The following CCDC39 variants were observed in gnomAD, a reference collection of about 807,000 sequenced individuals.
CCDC39 encodes the protein coiled-coil domain 39 molecular ruler complex subunit, also known as coiled-coil domain-containing protein 39.
CCDC39 carries 113 observed loss-of-function variants against 121.0 expected under a neutral mutation model. The observed-to-expected ratio is 0.93, with a 90% CI of 0.80 to 1.09. The LOEUF (loss-of-function observed/expected upper bound fraction) is 1.09, where lower values mean the gene tolerates loss of function less well. Among genes scored for constraint, CCDC39 ranks in the 50% least tolerant of loss-of-function variants. The pLI is 0.00. For synonymous variants in CCDC39, 349 were observed against 352.2 expected, an observed-to-expected ratio of 0.99 and a Z score of 0.10; for missense variants, 1,063 against 1,074.7, an observed-to-expected ratio of 0.99 and a Z score of 0.15.
chr3:180,621,266 T>G (rs1364144322), intron 14 of CCDC39, among the ~76,000 whole-genome samples: 3 of 152,104 alleles, frequency 2.0e-5, no homozygotes, highest in African/African-American at 7.2e-5. Context: ...ATTTCTATTC[T>G]TTTGTGTAGA....
In CCDC39 at chr3:180,663,990, T is replaced by C. The variant is rs1271684516; in HGVS notation, c.91-4A>G. ...TTTCATCCTTCAGCTTTGACAACTG[T>C]AAATAATAAATACTATGATTAACCA... On this transcript the variant is annotated splice_region_variant and splice_polypyrimidine_tract_variant and intron_variant, in intron 1 of 19. Transcript: ENST00000476379. The C allele has an allele frequency of 6.2e-7, 1 of 1,608,290 alleles. No individual in the cohort carries two copies. Among genetic ancestry groups the C allele is most frequent in the Non-Finnish European group, 8.5e-7 (1 of 1,178,010 alleles).
Position 180,659,428 on chromosome 3 carries a change from A to G in CCDC39, c.738+24T>C, listed in dbSNP as rs779523764. On this transcript the variant is annotated intron_variant, in intron 6 of 19. Coordinates refer to ENST00000476379, the MANE Select transcript of CCDC39 (RefSeq NM_181426.2). ...AAAGAGACAAATGCAGCTGAACATT[A>G]CAAGGACCAAACAACTACTTTACCA... 5.0e-6 allele frequency: 8 copies of G among 1,612,180 alleles called. No individual in the cohort carries two copies. In the South Asian group the frequency reaches 7.7e-5, roughly 16 times the overall value.
chr3:180,676,267 G>A (rs1712201114), intron 1 of CCDC39, among the ~76,000 whole-genome samples: 1 of 152,134 alleles, frequency 6.6e-6, no homozygotes, highest in South Asian at 2.1e-4. Flanking sequence ...CTAATATCCA[G>A]AATCTACAAA....
At chr3:180,638,729 T>C (rs1576940322) in intron 13 of CCDC39, among the ~76,000 whole-genome samples, 1 of 152,146 alleles carries the variant, frequency 6.6e-6, no homozygotes, top group East Asian at 1.9e-4. Context: ...TAATTTTCAA[T>C]ATTCATAGAG....
At chr3:180,671,165 G>A (rs35602991) in intron 1 of CCDC39, among the ~76,000 whole-genome samples, 2,157 of 148,870 alleles carry the variant, frequency 0.014, 18 homozygotes, top group Non-Finnish European at 0.022. Context: ...GAGCCAAGAT[G>A]GTGTCACTGC....
Position 180,654,792 on chromosome 3 carries a change from A to G in CCDC39, c.900T>C (p.His300=). ...LLKCRTAYQD[H]ETSRIQLKGE... ...CCTTCAGCTGAATTCTACTAGTTTCATGGTCCTGATATGCCGTTCTACATT... is the reference window on the plus strand; with the variant it reads ...CCTTCAGCTGAATTCTACTAGTTTCGTGGTCCTGATATGCCGTTCTACATT... Residue 300 remains histidine, a synonymous_variant, in exon 7 of 20, where the codon CAT becomes CAC. Coordinates refer to ENST00000476379, the MANE Select transcript of CCDC39 (RefSeq NM_181426.2). 1.2e-6 allele frequency: 2 copies of G among 1,609,326 alleles called. No homozygotes were observed. Among genetic ancestry groups the G allele is most frequent in the South Asian group, 1.1e-5 (1 of 90,132 alleles).
At chr3:180,673,421 A>G (rs1331926946) in intron 1 of CCDC39, among the ~76,000 whole-genome samples, 1 of 152,206 alleles carries the variant, frequency 6.6e-6, no homozygotes, top group Non-Finnish European at 1.5e-5. Flanking sequence ...CATCAACATC[A>G]AAACAAGACT....
chr3:180,675,933 C>T (rs1283173522), intron 1 of CCDC39, among the ~76,000 whole-genome samples: 1 of 152,174 alleles, frequency 6.6e-6, no homozygotes, highest in Non-Finnish European at 1.5e-5. Context: ...GGAAAACCTG[C>T]TAGCCATATG....
chr3:180,642,775 C>A (rs570799625), intron 12 of CCDC39, among the ~76,000 whole-genome samples: 1 of 151,532 alleles, frequency 6.6e-6, no homozygotes, highest in Non-Finnish European at 1.5e-5. Context: ...ATGAAATCAA[C>A]GTAACTACTA....
intron 14 of CCDC39, among the ~76,000 whole-genome samples, chr3:180,623,206 G>A (rs1482684221): frequency 1.3e-5 from 2 of 151,236 alleles, no homozygotes; most frequent in African/African-American, 4.8e-5. Context: ...TATGTTTCCA[G>A]AAATTTATCT....
intron 14 of CCDC39, 43 bp from the exon 15 acceptor site, chr3:180,620,013 T>A: frequency 6.8e-7 from 1 of 1,476,852 alleles, no homozygotes; most frequent in Non-Finnish European, 9.1e-7. Flanking sequence ...AAGCATTTAC[T>A]ATGGGAAGAA....
intron 16 of CCDC39, among the ~76,000 whole-genome samples, chr3:180,618,967 A>G (rs1457016889): frequency 6.6e-6 from 1 of 152,154 alleles, no homozygotes; most frequent in Non-Finnish European, 1.5e-5. Context: ...TGTGATCTTT[A>G]AGAAATTAAA....
In CCDC39 at chr3:180,614,822, T is replaced by G. The variant is rs1014569413; in HGVS notation, c.*99A>C. The G allele has an allele frequency of 8.0e-6, 9 of 1,122,104 alleles. No homozygotes were observed. The highest frequency in any genetic ancestry group is 1.1e-5 in the Non-Finnish European group (9 of 804,446). 69.5% of individuals were successfully genotyped at this position (1,122,104 alleles called of 1,614,324 possible). On this transcript the variant is annotated 3_prime_UTR_variant, in exon 20 of 20. Transcript: ENST00000476379. ...CAGTTTTTACACTTACCACTAAGTT[T>G]TTACACTTTCCACTAGATAAAATGT...
At chr3:180,638,576 A>G (rs950441597) in intron 13 of CCDC39, among the ~76,000 whole-genome samples, 1 of 152,098 alleles carries the variant, frequency 6.6e-6, no homozygotes, top group Non-Finnish European at 1.5e-5. Flanking sequence ...AGAAGTTTTT[A>G]AAAAAGTAAA....
chr3:180,654,804 T>C lies in CCDC39; in HGVS notation c.888A>G (p.Ala296=), dbSNP rs746093847. ...TTCTACTAGTTTCATGGTCCTGATA[T>C]GCCGTTCTACATTTTAAAAGTTTAC... is the stretch of plus-strand genomic sequence containing the variant. The part of the protein sequence containing the change: ...ADRKLLKCRT[A]YQDHETSRIQ... Residue 296 remains alanine (A), a synonymous_variant, in exon 7 of 20, where the codon GCA becomes GCG. Coordinates refer to ENST00000476379, the MANE Select transcript of CCDC39 (RefSeq NM_181426.2). 3.7e-6 allele frequency: 6 copies of C among 1,611,268 alleles called. No individual in the cohort carries two copies. Among genetic ancestry groups the C allele is most frequent in the Non-Finnish European group, 3.4e-6 (4 of 1,178,738 alleles).
intron 1 of CCDC39, among the ~76,000 whole-genome samples, chr3:180,673,632 G>A (rs773876623): frequency 2.7e-4 from 41 of 152,138 alleles, no homozygotes; most frequent in Non-Finnish European, 2.9e-4. Context: ...TGTTGCAGTG[G>A]TCTGGAACTG....
chr3:180,646,825 C>T lies in CCDC39; in HGVS notation c.1527+254G>A, dbSNP rs1396601419. The stretch of plus-strand genomic sequence containing the variant: ...CTATAAAACAGATAATAGTATCTTC[C>T]TCACAAGACATCTGTAAGGATTATA... On this transcript the variant is annotated intron_variant, in intron 11 of 19. Coordinates refer to ENST00000476379, the MANE Select transcript of CCDC39 (RefSeq NM_181426.2). Among the ~76,000 whole-genome samples, 3 of 151,986 alleles carry T rather than the reference C, an allele frequency of 2.0e-5. No individual in the cohort carries two copies. In the East Asian group the frequency reaches 5.8e-4, roughly 29 times the overall value.
intron 1 of CCDC39, among the ~76,000 whole-genome samples, chr3:180,674,066 T>G (rs11916398): frequency 0.19 from 28,627 of 152,004 alleles, 2,920 homozygotes; most frequent in East Asian, 0.4. Context: ...AATTACCTTG[T>G]GCAGTATGGC....
At chr3:180,626,695 A>G (rs112326416) in intron 14 of CCDC39, among the ~76,000 whole-genome samples, 2,778 of 152,240 alleles carry the variant, frequency 0.018, 68 homozygotes, top group African/African-American at 0.053. Flanking sequence ...TGCAACCAGA[A>G]TGCAGGGTTC....
Sources: gnomAD v4.1 joint callset for allele counts (sites outside exome capture counted in the v4.1 genomes callset) on GRCh38, gnomAD v4.1.1 for gene constraint, MANE v1.5 for transcripts, NCBI Gene and HGNC (gene_info 2026-07-23, HGNC 2026-07-21) for gene names.